TMEM255A: variants seen among roughly 807,000 people sequenced by gnomAD.
TMEM255A encodes the protein family with sequence similarity 70, member A.
In TMEM255A, 14 loss-of-function variants were observed where a neutral mutation model predicts 23.5. That is an observed-to-expected ratio of 0.60 (90% CI 0.39 to 0.93). The LOEUF (loss-of-function observed/expected upper bound fraction) is 0.93. TMEM255A is among the 40% of genes least tolerant of loss of function. The pLI is 0.00. For synonymous variants in TMEM255A, 104 were observed against 100.3 expected (o/e 1.04, Z -0.22); for missense variants, 233 against 261.7 (o/e 0.89, Z 0.76).
At chrX:120,252,008 A>G in the TMEM255A span, among the ~76,000 whole-genome samples, 1 of 112,860 alleles carries the variant, frequency 8.9e-6, no homozygotes, top group African/African-American at 3.2e-5. Context: ...CAAACTGTCC[A>G]AAGGTCACCC....
chrX:120,258,745 T>TTA lies in TMEM255A; in HGVS notation c.*2123_*2124dup, dbSNP rs782539399. 1 of 112,657 alleles carries TTA rather than the reference T, an allele frequency of 8.9e-6. No homozygotes were observed. The highest frequency in any genetic ancestry group is 3.6e-4 in the South Asian group (1 of 2,745). The allele number at this position is 112,657 out of a possible 1,213,427, so 9.3% of individuals were successfully genotyped here. On this transcript the variant is annotated 3_prime_UTR_variant, in exon 9 of 9. Coordinates refer to ENST00000371369, the MANE Select transcript of TMEM255A (RefSeq NM_001104544.3). Reference sequence around the variant, plus strand: ...ATACAGATTTTAAGCAACATCCAGTTTATACAGTTTCTGGATTAATATTTT... The same window carrying TTA: ...ATACAGATTTTAAGCAACATCCAGTTTATATACAGTTTCTGGATTAATATTTT...
At chrX:120,253,087 G>C in the TMEM255A span, among the ~76,000 whole-genome samples, 1 of 111,650 alleles carries the variant, frequency 9.0e-6, no homozygotes, top group Non-Finnish European at 1.9e-5. Flanking sequence ...ACCCAAAATT[G>C]GGACTAAGAA....
intron 2 of TMEM255A, among the ~76,000 whole-genome samples, chrX:120,294,433 CAA>C (rs782219332): frequency 2.4e-4 from 11 of 44,959 alleles, no homozygotes; most frequent in Non-Finnish European, 1.9e-4. Context: ...GACTCCGTCT[CAA>C]AAAAAAAAAA....
chrX:120,292,851 T>G (rs1032911160), intron 3 of TMEM255A, among the ~76,000 whole-genome samples: 3 of 111,505 alleles, frequency 2.7e-5, no homozygotes, highest in African/African-American at 6.5e-5. Flanking sequence ...TTCAGAAACC[T>G]CTCCCCATAA....
At chrX:120,255,502 C>A (rs2057632371), downstream of TMEM255A, 2 of 874,350 alleles carry the variant, frequency 2.3e-6, no homozygotes, top group Non-Finnish European at 1.6e-6. Context: ...ATCTGTAAAA[C>A]AAATTAAGGT....
intron 7 of TMEM255A, among the ~76,000 whole-genome samples, chrX:120,274,644 C>A (rs1157471904): frequency 2.7e-5 from 3 of 112,136 alleles, no homozygotes; most frequent in African/African-American, 9.7e-5. Flanking sequence ...AGGGTCTTAT[C>A]AAATCCTTCA....
At chrX:120,282,319 T>C (rs2057842819) in intron 6 of TMEM255A, among the ~76,000 whole-genome samples, 1 of 111,662 alleles carries the variant, frequency 9.0e-6, no homozygotes, top group African/African-American at 3.3e-5. Context: ...CCTTTTCTAG[T>C]GGCTTTGCCC....
rs147095940 is a variant in TMEM255A at position 120,311,227 on chromosome X, C to T, written c.58+25G>A. On this transcript the variant is annotated intron_variant, in intron 1 of 8. Coordinates refer to ENST00000371369, the MANE Select transcript of TMEM255A (RefSeq NM_001104544.3). ...GGCACTCAACCCCTGCTGCCGCCGC[C>T]CGAAGGAAGGGCCGCTAGACTTACC... The T allele has an allele frequency of 2.0e-3, 2,328 of 1,165,703 alleles. 25 individuals are homozygous for T. In the African/African-American group the frequency reaches 0.035, roughly 17 times the overall value.
intron 8 of TMEM255A, among the ~76,000 whole-genome samples, chrX:120,262,083 A>T (rs1260282301): frequency 2.7e-5 from 3 of 111,588 alleles, no homozygotes; most frequent in Non-Finnish European, 5.6e-5. Flanking sequence ...TGAGGTCAGG[A>T]GTTTGAGACC....
chrX:120,266,157 A>G (rs1354285496), intron 8 of TMEM255A, among the ~76,000 whole-genome samples: 1 of 108,848 alleles, frequency 9.2e-6, no homozygotes, highest in African/African-American at 3.3e-5. Context: ...CTGTCTCAAA[A>G]AAAAAAAAAA....
At chrX:120,264,941 G>GCA (rs2057705906) in intron 8 of TMEM255A, among the ~76,000 whole-genome samples, 4 of 105,485 alleles carry the variant, frequency 3.8e-5, no homozygotes, top group Non-Finnish European at 7.8e-5. Flanking sequence ...GCAATGGCGT[G>GCA]ATCTCGGCTC....
At chrX:120,289,728 G>A (rs1361638873) in intron 4 of TMEM255A, among the ~76,000 whole-genome samples, 1 of 111,974 alleles carries the variant, frequency 8.9e-6, no homozygotes, top group East Asian at 2.8e-4. Flanking sequence ...GTACATAAAT[G>A]TTTACAGTAG....
intron 8 of TMEM255A, among the ~76,000 whole-genome samples, chrX:120,265,192 G>A (rs2057708425): frequency 8.9e-6 from 1 of 112,165 alleles, no homozygotes; most frequent in African/African-American, 3.2e-5. Flanking sequence ...CTTGTGTAAA[G>A]AATGGTATTT....
chrX:120,310,879 G>T (rs1194976089), intron 1 of TMEM255A, among the ~76,000 whole-genome samples: 2 of 108,952 alleles, frequency 1.8e-5, no homozygotes, highest in African/African-American at 6.7e-5. Flanking sequence ...CCAGGACTTT[G>T]CAAAGAGGGA....
chrX:120,267,641 GGGAAAGT>G (rs1252396824), intron 8 of TMEM255A, among the ~76,000 whole-genome samples: 4 of 112,124 alleles, frequency 3.6e-5, no homozygotes, highest in African/African-American at 1.3e-4. Flanking sequence ...AAAGGAAAAG[GGGAAAGT>G]GCAAATTTGT....
At chrX:120,279,998 C>CTTTTTTTTTTTTTTTTTTTTTTTT (rs59428362) in intron 6 of TMEM255A, among the ~76,000 whole-genome samples, 5 of 38,226 alleles carry the variant, frequency 1.3e-4, no homozygotes, top group Non-Finnish European at 1.7e-4. Flanking sequence ...CCTTTTCTTT[C>CTTTTTTTTTTTTTTTTTTTTTTTT]TTTTTTTTTT....
At chrX:120,254,699 G>C (rs781824519), downstream of TMEM255A, 1 of 1,210,238 alleles carries the variant, frequency 8.3e-7, no homozygotes, top group South Asian at 1.8e-5. Context: ...AAGGCTTATC[G>C]ACTGGTTGCA....
intron 7 of TMEM255A, among the ~76,000 whole-genome samples, chrX:120,272,757 T>TC (rs1461641436): frequency 3.8e-5 from 4 of 106,545 alleles, no homozygotes; most frequent in African/African-American, 1.0e-4. Flanking sequence ...TTTTTTTTTT[T>TC]TTGAGACGCA....
At chrX:120,257,334 A>G (rs1227079152), downstream of TMEM255A, 2 of 122,571 alleles carry the variant, frequency 1.6e-5, no homozygotes, top group African/African-American at 6.5e-5. Context: ...AGTTTCATTA[A>G]TGCTATTTCA....
Sources: allele counts gnomAD v4.1 joint callset (sites outside exome capture counted in the v4.1 genomes callset), GRCh38; gene constraint gnomAD v4.1.1; transcripts MANE v1.5; gene names NCBI Gene and HGNC (gene_info 2026-07-23, HGNC 2026-07-21).